WASF2: variants seen among roughly 807,000 people sequenced by gnomAD.
WASF2 encodes the protein actin-binding protein WASF2.
In WASF2, 14 loss-of-function variants were observed where a neutral mutation model predicts 45.0. The ratio of observed to expected loss-of-function variants is 0.31; its 90% CI spans 0.21 to 0.49. WASF2 has a LOEUF of 0.49. Ranked by LOEUF, WASF2 falls within the 20% of genes least tolerant of loss-of-function variation. WASF2 has a pLI of 0.99. For missense variants in WASF2, 439 were observed against 636.1 expected (o/e 0.69, Z 3.33); for synonymous variants, 200 against 236.3 (o/e 0.85, Z 1.41).
At chr1:27,483,727 C>A (rs2017885693) in intron 1 of WASF2, among the ~76,000 whole-genome samples, 1 of 151,862 alleles carries the variant, frequency 6.6e-6, no homozygotes, top group African/African-American at 2.4e-5. Flanking sequence ...GGGGCCAAGG[C>A]AGCAGGATGG....
rs2016688530 is a variant in WASF2, at chr1:27,407,116, C to T, written c.*1073G>A. Reference sequence around the variant, plus strand: ...CTGGCACAGACCCTGAGCCTTCCTACTGGGACCCCAACCTATGGTGAGGTC... The same window carrying T: ...CTGGCACAGACCCTGAGCCTTCCTATTGGGACCCCAACCTATGGTGAGGTC... On this transcript the variant is annotated 3_prime_UTR_variant, in exon 9 of 9. Coordinates refer to ENST00000618852, the MANE Select transcript of WASF2 (RefSeq NM_006990.5). The T allele has an allele frequency of 6.6e-6, 1 of 152,342 alleles. No homozygotes were observed. The highest frequency in any genetic ancestry group is 2.4e-5 in the African/African-American group (1 of 41,456). 9.4% of individuals were successfully genotyped at this position (152,342 alleles called of 1,614,324 possible).
intron 1 of WASF2, among the ~76,000 whole-genome samples, chr1:27,449,537 T>C (rs2017354723): frequency 6.6e-6 from 1 of 151,050 alleles, no homozygotes; most frequent in Admixed American, 6.6e-5. Context: ...AGGCGGAGGT[T>C]GCAGTGAGCT....
At chr1:27,450,718 C>T (rs1220538492) in intron 1 of WASF2, among the ~76,000 whole-genome samples, 1 of 151,956 alleles carries the variant, frequency 6.6e-6, no homozygotes, top group Non-Finnish European at 1.5e-5. Context: ...AGGCTGGTCT[C>T]GAACTCCTGA....
intron 1 of WASF2, among the ~76,000 whole-genome samples, chr1:27,431,005 T>G (rs761204095): frequency 6.6e-6 from 1 of 152,200 alleles, no homozygotes; most frequent in Non-Finnish European, 1.5e-5. Context: ...AGACTGCTCC[T>G]TGTTATGGAC....
chr1:27,442,668 G>A (rs1488924565), intron 1 of WASF2, among the ~76,000 whole-genome samples: 1 of 151,790 alleles, frequency 6.6e-6, no homozygotes, highest in African/African-American at 2.4e-5. Flanking sequence ...AGACCAGCCT[G>A]GGTAACATGG....
At chr1:27,458,829 A>G (rs2017508172) in intron 1 of WASF2, among the ~76,000 whole-genome samples, 1 of 151,804 alleles carries the variant, frequency 6.6e-6, no homozygotes. Context: ...TTTTTAAAAA[A>G]TTGTAAAAAT....
At position 27,441,938 on chromosome 1, in the gene WASF2, A is replaced by G. The variant is rs188529125; in HGVS notation, c.-43-13005T>C. Among the ~76,000 whole-genome samples the G allele has an allele frequency of 2.6e-4, 39 of 150,312 alleles. 1 individual carries two copies. In the East Asian group the frequency reaches 4.7e-3, roughly 18 times the overall value. On this transcript the variant is annotated intron_variant, in intron 1 of 8. Transcript: ENST00000618852. Reference sequence around the variant, plus strand: ...AGACTCCATCTCAAAAAAAAAAAAAAAAAGAAAGAAAGAAAAACTCAGCTG... The same window carrying G: ...AGACTCCATCTCAAAAAAAAAAAAAGAAAGAAAGAAAGAAAAACTCAGCTG...
intron 2 of WASF2, 74 bp downstream of exon 2, chr1:27,428,687 G>A (rs141745863): frequency 1.5e-5 from 24 of 1,608,160 alleles, no homozygotes; most frequent in African/African-American, 1.5e-4. Context: ...ATAGGAACGC[G>A]GGAGGAGAAG....
intron 1 of WASF2, among the ~76,000 whole-genome samples, chr1:27,472,808 A>C (rs1262802653): frequency 6.6e-6 from 1 of 151,426 alleles, no homozygotes; most frequent in Non-Finnish European, 1.5e-5. Flanking sequence ...CAAAAAAAAA[A>C]AAAAAGGAAG....
At chr1:27,419,114 A>G (rs771876913) in intron 2 of WASF2, 26 bp from the exon 3 acceptor site, 3 of 1,611,944 alleles carry the variant, frequency 1.9e-6, no homozygotes, top group Non-Finnish European at 2.5e-6. Flanking sequence ...AAACCAAGTC[A>G]CTAGTGCATA....
At chr1:27,418,561 C>A (rs141208498) in intron 3 of WASF2, 139 bp from the exon 4 acceptor site, 13 of 1,197,108 alleles carry the variant, frequency 1.1e-5, no homozygotes, top group African/African-American at 3.1e-5. Context: ...TTCCCTCCCC[C>A]TCTGGGGAAG....
At chr1:27,445,261 T>C (rs1323690305) in intron 1 of WASF2, among the ~76,000 whole-genome samples, 1 of 152,176 alleles carries the variant, frequency 6.6e-6, no homozygotes, top group African/African-American at 2.4e-5. Context: ...TAAGTAGTAA[T>C]ATTTTGATTT....
rs1553150648 is a variant in WASF2, at chr1:27,454,175, ATATATATATATATTTTTTTT to A, written c.-43-25262_-43-25243del. Among the ~76,000 whole-genome samples, 203 of 33,946 alleles carry A rather than the reference ATATATATATATATTTTTTTT, an allele frequency of 6.0e-3. 1 individual carries two copies. The highest frequency in any genetic ancestry group is 0.024 in the African/African-American group (191 of 7,880). The allele number at this position is 33,946 out of a possible 152,430, so 22.3% of individuals were successfully genotyped here. ...TGTGTATATATATATATATATATAT[ATATATATATATATTTTTTTT>A]TTTTTTTTTTTTTTAAAGATACAGG... On this transcript the variant is annotated intron_variant, in intron 1 of 8. Coordinates refer to ENST00000618852, the MANE Select transcript of WASF2 (RefSeq NM_006990.5).
At chr1:27,452,244 G>A (rs893028478) in intron 1 of WASF2, among the ~76,000 whole-genome samples, 4 of 152,218 alleles carry the variant, frequency 2.6e-5, no homozygotes, top group Non-Finnish European at 5.9e-5. Context: ...GCTGCGCGCC[G>A]TGGCTCACGC....
At chr1:27,441,607 A>G (rs1270140445) in intron 1 of WASF2, among the ~76,000 whole-genome samples, 2 of 151,256 alleles carry the variant, frequency 1.3e-5, no homozygotes, top group Admixed American at 6.6e-5. Flanking sequence ...CAAAAAAATT[A>G]GCCGGGCGTG....
chr1:27,428,325 A>G (rs560360861), intron 2 of WASF2, among the ~76,000 whole-genome samples: 2 of 152,302 alleles, frequency 1.3e-5, no homozygotes, highest in African/African-American at 4.8e-5. Flanking sequence ...GGTGTTGGGT[A>G]GATAAAAACT....
chr1:27,417,162 A>C (rs2016838604), intron 4 of WASF2, among the ~76,000 whole-genome samples: 1 of 152,164 alleles, frequency 6.6e-6, no homozygotes, highest in Admixed American at 6.5e-5. Context: ...TGAAGAATAA[A>C]ATTCTCCTAA....
intron 2 of WASF2, among the ~76,000 whole-genome samples, chr1:27,423,140 C>CAA (rs35025475): frequency 2.4e-4 from 25 of 103,256 alleles, no homozygotes; most frequent in African/African-American, 7.8e-4. Flanking sequence ...GACTCCATCT[C>CAA]AAAAAAAAAA....
chr1:27,423,370 G>A (rs982156639), intron 2 of WASF2, among the ~76,000 whole-genome samples: 1 of 152,040 alleles, frequency 6.6e-6, no homozygotes, highest in Non-Finnish European at 1.5e-5. Flanking sequence ...ATTTTTAACA[G>A]AGAAGGGGTT....
Sources: gnomAD v4.1 joint callset for allele counts (sites outside exome capture counted in the v4.1 genomes callset) on GRCh38, gnomAD v4.1.1 for gene constraint, MANE v1.5 for transcripts, NCBI Gene and HGNC (gene_info 2026-07-23, HGNC 2026-07-21) for gene names.